The following SLC39A1 variants were observed in gnomAD, a reference collection of about 807,000 sequenced individuals.
The protein encoded by SLC39A1 is solute carrier family 39 member 1, also known as zinc transporter ZIP1.
A neutral mutation model predicts 21.4 loss-of-function variants in SLC39A1; 17 were observed. The ratio of observed to expected loss-of-function variants is 0.79; its 90% CI spans 0.54 to 1.19. The LOEUF (loss-of-function observed/expected upper bound fraction) is 1.19. Among genes scored for constraint, SLC39A1 ranks in the 50% most tolerant of loss-of-function variants. SLC39A1 has a pLI of 0.00. For synonymous variants in SLC39A1, 183 were observed against 185.9 expected, an observed-to-expected ratio of 0.98 and a Z score of 0.13; for missense variants, 343 against 399.8, an observed-to-expected ratio of 0.86 and a Z score of 1.21.
upstream of SLC39A1, chr1:153,967,439 T>A (rs1351518914): frequency 6.6e-6 from 1 of 152,196 alleles, no homozygotes; most frequent in Non-Finnish European, 1.5e-5. Context: ...CGATTCATAT[T>A]CTGGCGCTTA....
intron 1 of SLC39A1, 21 bp from the exon 2 acceptor site, chr1:153,962,768 G>C: frequency 6.9e-7 from 1 of 1,453,040 alleles, no homozygotes; most frequent in Non-Finnish European, 9.1e-7. Context: ...AGACCAGAGT[G>C]GTTGGGAAAA....
chr1:153,959,859 T>G lies in SLC39A1; in HGVS notation c.*239A>C. 1.9e-6 allele frequency: 1 copy of G among 522,972 alleles called. No individual in the cohort carries two copies. Among genetic ancestry groups the G allele is most frequent in the East Asian group, 3.1e-5 (1 of 31,854 alleles). The allele number at this position is 522,972 out of a possible 1,614,324, so 32.4% of individuals were successfully genotyped here. A position where few individuals can be genotyped will look rare whatever the true frequency, so the allele number is the denominator to read the frequency against. On this transcript the variant is annotated 3_prime_UTR_variant, in exon 4 of 4. Coordinates refer to ENST00000356205, the MANE Select transcript of SLC39A1 (RefSeq NM_001271958.2). ...TGTCTTCCCCAATCCTAATGTCCCC[T>G]GATATGTCTCTAGCGACTTGACCAT...
chr1:153,963,471 C>G (rs1340106637), intron 1 of SLC39A1, 24 bp downstream of exon 1: 3 of 152,416 alleles, frequency 2.0e-5, no homozygotes, highest in African/African-American at 7.2e-5. Flanking sequence ...ACATGGACCC[C>G]GCTGCCAGAC....
chr1:153,964,253 C>G (rs1647665923), upstream of SLC39A1: 1 of 152,292 alleles, frequency 6.6e-6, no homozygotes, highest in Non-Finnish European at 1.5e-5. Context: ...GGCGTCTGGC[C>G]GGTTCTCCCA....
upstream of SLC39A1, among the ~76,000 whole-genome samples, chr1:153,965,732 G>A (rs933079836): frequency 1.3e-5 from 2 of 151,706 alleles, no homozygotes; most frequent in South Asian, 2.1e-4. Context: ...GATTACAGGC[G>A]CCCGCCACCA....
Position 153,960,070 on chromosome 1 carries a change from A to G in SLC39A1, c.*28T>C, listed in dbSNP as rs745368076. The G allele has an allele frequency of 4.5e-6, 7 of 1,555,408 alleles. No individual in the cohort carries two copies. The highest frequency in any genetic ancestry group is 1.8e-5 in the Admixed American group (1 of 54,162). ...GGAGAACAGGGGCACCTGATCATCA[A>G]TCTCCCCTGCCCCTCTCTTGAAGCC... On this transcript the variant is annotated 3_prime_UTR_variant, in exon 4 of 4. Transcript: ENST00000356205.
In SLC39A1 at chr1:153,960,750, T is replaced by C. The variant is rs781201078; in HGVS notation, c.323A>G (p.Gln108Arg). ...EALAALHVTL[Q>R]FPLQEFILAM... Reference sequence around the variant, plus strand: ...CAGGATGAACTCTTGCAGTGGGAACTGGAGCTGTGGGCAGAAGCAGCAGCA... The same window carrying C: ...CAGGATGAACTCTTGCAGTGGGAACCGGAGCTGTGGGCAGAAGCAGCAGCA... Residue 108 changes from glutamine (Q) to arginine (R), a missense_variant, in exon 4 of 4, where the codon CAG becomes CGG. By Grantham distance (43) the Gln-to-Arg change is conservative. Coordinates refer to ENST00000356205, the MANE Select transcript of SLC39A1 (RefSeq NM_001271958.2). 6.2e-7 allele frequency: 1 copy of C among 1,604,128 alleles called. No homozygotes were observed. Among genetic ancestry groups the C allele is most frequent in the Non-Finnish European group, 8.5e-7 (1 of 1,176,838 alleles).
At chr1:153,967,668 GA>G (rs11288257), upstream of SLC39A1, 83,973 of 150,554 alleles carry the variant, frequency 0.56, 24,174 homozygotes, top group East Asian at 0.97. Flanking sequence ...TAAGAATAAA[GA>G]AAAAAAAAAG....
intron 3 of SLC39A1, 137 bp downstream of exon 3, chr1:153,962,083 A>G: frequency 7.6e-7 from 1 of 1,323,328 alleles, no homozygotes; most frequent in East Asian, 2.4e-5. Flanking sequence ...CCCATAACCA[A>G]AAATCACAAT....
At chr1:153,967,179 G>C (rs1345175002), upstream of SLC39A1, among the ~76,000 whole-genome samples, 2 of 152,262 alleles carry the variant, frequency 1.3e-5, no homozygotes, top group East Asian at 1.9e-4. Flanking sequence ...GTGTCCCTCC[G>C]TGAATGAGCA....
rs1468251135 is a variant in SLC39A1, at chr1:153,959,671, C to G, written c.*427G>C. On this transcript the variant is annotated 3_prime_UTR_variant, in exon 4 of 4. Coordinates refer to ENST00000356205, the MANE Select transcript of SLC39A1 (RefSeq NM_001271958.2). Reference sequence around the variant, plus strand: ...CGCTAAGAAGAGTAGGAGGGGTCCACTCCAAGTGGCAGGGTGCTGAAATGG... The same window carrying G: ...CGCTAAGAAGAGTAGGAGGGGTCCAGTCCAAGTGGCAGGGTGCTGAAATGG... 1.7e-5 allele frequency: 4 copies of G among 234,576 alleles called. No individual in the cohort carries two copies. The highest frequency in any genetic ancestry group is 9.0e-5 in the African/African-American group (4 of 44,456). 14.5% of individuals were successfully genotyped at this position (234,576 alleles called of 1,614,324 possible). A position where few individuals can be genotyped will look rare whatever the true frequency, so the allele number is the denominator to read the frequency against.
At position 153,960,395 on chromosome 1, in the gene SLC39A1, G is replaced by A; in HGVS notation, c.678C>T (p.Ser226=). The A allele has an allele frequency of 6.2e-7, 1 of 1,614,042 alleles. No homozygotes were observed. The highest frequency in any genetic ancestry group is 8.5e-7 in the Non-Finnish European group (1 of 1,180,044). Residue 226 remains serine (S), a synonymous_variant, in exon 4 of 4, where the codon TCC becomes TCT. Coordinates refer to ENST00000356205, the MANE Select transcript of SLC39A1 (RefSeq NM_001271958.2). ...LHKGILAVSL[S]LRLLQSHLRA... is the part of the protein sequence containing the mutation. ...TAAGGTGGCTCTGCAACAGCCGCAG[G>A]GACAGGCTGACAGCCAGGATGCCCT...
chr1:153,962,669 G>A lies in SLC39A1; in HGVS notation c.47C>T (p.Ala16Val). Residue 16 changes from alanine (A) to valine (V), a missense_variant, in exon 2 of 4, where the codon GCG becomes GTG. By Grantham distance (64) the Ala-to-Val change is moderately conservative. Coordinates refer to ENST00000356205, the MANE Select transcript of SLC39A1 (RefSeq NM_001271958.2). Reference protein sequence around the residue: ...EPELLVWRPEAVASEPPVPVG... With the variant: ...EPELLVWRPEVVASEPPVPVG... Reference sequence around the variant, plus strand: ...AGGCACTGGAGGCTCTGAAGCTACCGCCTCGGGGCGCCACACCAGGAGCTC... The same window carrying A: ...AGGCACTGGAGGCTCTGAAGCTACCACCTCGGGGCGCCACACCAGGAGCTC... The A allele has an allele frequency of 6.2e-7, 1 of 1,610,022 alleles. No homozygotes were observed.
intron 1 of SLC39A1, chr1:153,962,980 G>A (rs6695909): frequency 7.8e-6 from 3 of 387,032 alleles, no homozygotes; most frequent in African/African-American, 4.1e-5. Flanking sequence ...GCATGAGAAA[G>A]GCTGTATGGA....
intron 1 of SLC39A1, 68 bp from the exon 2 acceptor site, chr1:153,962,815 C>T (rs1647562433): frequency 7.6e-7 from 1 of 1,313,100 alleles, no homozygotes; most frequent in Non-Finnish European, 1.0e-6. Flanking sequence ...AATGGGGAAG[C>T]TTGGTCAGCA....
rs757219221 is a variant in SLC39A1, at chr1:153,960,310, C to G, written c.763G>C (p.Gly255Arg). ...LFSCMTPLGI[G>R]LGAALAESAG... The stretch of plus-strand genomic sequence containing the variant: ...GACTCTGCCAGAGCTGCACCCAGCC[C>G]GATGCCTAGAGGTGTCATGCATGAG... The change falls in exon 4 of 4, where the codon GGG (glycine) becomes CGG (arginine). Residue 255 changes from glycine (G) to arginine (R), a missense_variant. Transcript: ENST00000356205. The G allele has an allele frequency of 1.9e-6, 3 of 1,614,040 alleles. No individual in the cohort carries two copies. Among genetic ancestry groups the G allele is most frequent in the Non-Finnish European group, 2.5e-6 (3 of 1,180,052 alleles).
Position 153,962,556 on chromosome 1 carries a change from G to C in SLC39A1, c.160C>G (p.Arg54Gly). Residue 54 changes from arginine to glycine, a missense_variant, in exon 2 of 4, where the codon CGG becomes GGG. Coordinates refer to ENST00000356205, the MANE Select transcript of SLC39A1 (RefSeq NM_001271958.2). ...CSLVPICVLR[R>G]PGANHEGSAS... Reference sequence around the variant, plus strand: ...GAGCCTTCATGGTTAGCTCCTGGCCGGCGCAGCACACAGATGGGCACCAGG... The same window carrying C: ...GAGCCTTCATGGTTAGCTCCTGGCCCGCGCAGCACACAGATGGGCACCAGG... 6.2e-7 allele frequency: 1 copy of C among 1,613,182 alleles called. No homozygotes were observed. Among genetic ancestry groups the C allele is most frequent in the Non-Finnish European group, 8.5e-7 (1 of 1,179,788 alleles).
In SLC39A1 at chr1:153,960,654, G is replaced by C; in HGVS notation, c.419C>G (p.Ser140Ter). The change falls in exon 4 of 4, where the codon TCA (serine) becomes TGA (stop). Residue 140 changes from serine (S) to a stop codon, truncating the protein, a stop_gained. Transcript: ENST00000356205. LOFTEE classifies it high-confidence loss of function. Reference protein sequence around the residue: ...TLAYKEQSGPSPLEETRALLG... With the variant: ...TLAYKEQSGP ...CAGAGCCCTTGTTTCCTCCAGAGGTGACGGCCCTGACTGCTCCTTGTAAGC... is the reference window on the plus strand; with the variant it reads ...CAGAGCCCTTGTTTCCTCCAGAGGTCACGGCCCTGACTGCTCCTTGTAAGC... 6.2e-7 allele frequency: 1 copy of C among 1,614,174 alleles called. No homozygotes were observed. The highest frequency in any genetic ancestry group is 2.2e-5 in the East Asian group (1 of 44,894).
intron 3 of SLC39A1, among the ~76,000 whole-genome samples, chr1:153,960,993 G>C (rs1293942846): frequency 6.6e-6 from 1 of 152,144 alleles, no homozygotes; most frequent in Non-Finnish European, 1.5e-5. Flanking sequence ...TAACATTTTG[G>C]GGCCAGGGGC....
Sources: gnomAD v4.1 joint callset for allele counts (sites outside exome capture counted in the v4.1 genomes callset) on GRCh38, gnomAD v4.1.1 for gene constraint, MANE v1.5 for transcripts, NCBI Gene and HGNC (gene_info 2026-07-23, HGNC 2026-07-21) for gene names.